Variants in NEGR1 observed in about 807,000 individuals in gnomAD.
NEGR1 encodes neuronal growth regulator 1.
Under a neutral mutation model 40.9 loss-of-function variants are expected in NEGR1, and 10 were observed. The ratio of observed to expected loss-of-function variants is 0.24; its 90% CI spans 0.15 to 0.42. The LOEUF (loss-of-function observed/expected upper bound fraction) is 0.42. Among genes scored for constraint, NEGR1 ranks in the 10% least tolerant of loss-of-function variants. The pLI is 1.00. For synonymous variants in NEGR1, 185 were observed against 166.8 expected, an observed-to-expected ratio of 1.11 and a Z score of -0.84; for missense variants, 352 against 438.9, an observed-to-expected ratio of 0.80 and a Z score of 1.77.
chr1:71,421,092 TC>T (rs1646390788), intron 6 of NEGR1, among the ~76,000 whole-genome samples: 1 of 152,048 alleles, frequency 6.6e-6, no homozygotes, highest in Non-Finnish European at 1.5e-5. Context: ...TTTTAGTACC[TC>T]AAGCATATGG....
rs117331475 is a variant in NEGR1 at position 72,223,323 on chromosome 1, T to A, written c.176+58996A>T. Among the ~76,000 whole-genome samples the A allele has an allele frequency of 1.5e-3, 235 of 152,304 alleles. 2 individuals are homozygous for A. The East Asian group carries it at 0.041, about 27-fold the overall frequency. Reference sequence around the variant, plus strand: ...GGAACCAAATTCCAATCGCTTAATATAAGCAAACTGAGCCCCCAAAATTGT... The same window carrying A: ...GGAACCAAATTCCAATCGCTTAATAAAAGCAAACTGAGCCCCCAAAATTGT... On this transcript the variant is annotated intron_variant, in intron 1 of 6. Transcript: ENST00000357731.
chr1:71,478,835 T>C (rs1646837438), intron 6 of NEGR1, among the ~76,000 whole-genome samples: 1 of 151,788 alleles, frequency 6.6e-6, no homozygotes, highest in Non-Finnish European at 1.5e-5. Context: ...GTGCCTGAGA[T>C]GAAGCTGATA....
At chr1:71,709,264 T>C (rs1439494781) in intron 3 of NEGR1, among the ~76,000 whole-genome samples, 1 of 152,208 alleles carries the variant, frequency 6.6e-6, no homozygotes, top group South Asian at 2.1e-4. Context: ...CGGAGAATTT[T>C]GTGGAGAAAA....
intron 2 of NEGR1, among the ~76,000 whole-genome samples, chr1:71,805,006 T>C (rs1657702112): frequency 6.6e-6 from 1 of 152,160 alleles, no homozygotes; most frequent in South Asian, 2.1e-4. Flanking sequence ...GGTAGGCCTC[T>C]AAAATGGCTG....
At chr1:71,421,017 T>C (rs1355051665) in intron 6 of NEGR1, among the ~76,000 whole-genome samples, 4 of 152,078 alleles carry the variant, frequency 2.6e-5, no homozygotes, top group African/African-American at 9.7e-5. Context: ...TTGGAAATAA[T>C]TTCCAAGATC....
intron 6 of NEGR1, among the ~76,000 whole-genome samples, chr1:71,443,842 C>T (rs1402733129): frequency 2.6e-5 from 4 of 152,112 alleles, no homozygotes; most frequent in East Asian, 3.9e-4. Flanking sequence ...ACAGCCAAGT[C>T]GTGATTAACT....
At chr1:71,486,773 G>A (rs918909604) in intron 6 of NEGR1, 2 of 151,484 alleles carry the variant, frequency 1.3e-5, no homozygotes, top group African/African-American at 4.8e-5. Flanking sequence ...ACTTAGCATG[G>A]TTCCTGGCAA....
At position 71,820,527 on chromosome 1, in the gene NEGR1, C is replaced by T. The variant is rs1658389564; in HGVS notation, c.410-44230G>A. On this transcript the variant is annotated intron_variant, in intron 2 of 6. Transcript: ENST00000357731. ...TTAAGTTGAAGTTGATATCCAGAGCCCATCATCATGGTCTCCTTGTTAGAG... is the reference window on the plus strand; with the variant it reads ...TTAAGTTGAAGTTGATATCCAGAGCTCATCATCATGGTCTCCTTGTTAGAG... Among the ~76,000 whole-genome samples, 3 of 152,076 alleles carry T rather than the reference C, an allele frequency of 2.0e-5. No individual in the cohort carries two copies. In the South Asian group the frequency reaches 6.2e-4, roughly 32 times the overall value.
chr1:72,196,529 G>T (rs1026227267), intron 1 of NEGR1, among the ~76,000 whole-genome samples: 1 of 152,012 alleles, frequency 6.6e-6, no homozygotes, highest in African/African-American at 2.4e-5. Context: ...CAGCACTTTG[G>T]GAGTCCGAGG....
At chr1:71,880,067 G>A (rs150887299) in intron 2 of NEGR1, among the ~76,000 whole-genome samples, 178 of 152,012 alleles carry the variant, frequency 1.2e-3, no homozygotes, top group African/African-American at 4.1e-3. Context: ...ATCTAAAATC[G>A]ATTTCCTTTC....
intron 1 of NEGR1, among the ~76,000 whole-genome samples, chr1:72,124,990 A>G (rs1406204315): frequency 1.3e-5 from 2 of 152,146 alleles, no homozygotes; most frequent in East Asian, 3.8e-4. Context: ...TATGGCGTAT[A>G]TAAAAGTCAA....
At chr1:72,270,339 A>G (rs1033340603) in intron 1 of NEGR1, among the ~76,000 whole-genome samples, 2 of 151,868 alleles carry the variant, frequency 1.3e-5, no homozygotes, top group African/African-American at 4.8e-5. Context: ...TAGGACAAGC[A>G]TTCATACATA....
At chr1:72,173,786 A>G (rs1005785807) in intron 1 of NEGR1, among the ~76,000 whole-genome samples, 25 of 152,132 alleles carry the variant, frequency 1.6e-4, no homozygotes, top group African/African-American at 5.6e-4. Context: ...ACTAAAAAAT[A>G]CAAAAAATTA....
At chr1:72,158,069 C>A (rs1383593739) in intron 1 of NEGR1, among the ~76,000 whole-genome samples, 1 of 152,060 alleles carries the variant, frequency 6.6e-6, no homozygotes, top group Non-Finnish European at 1.5e-5. Flanking sequence ...AAAAAGCATG[C>A]TGAGATTAGC....
chr1:72,126,313 T>A (rs994253532), intron 1 of NEGR1, among the ~76,000 whole-genome samples: 1 of 152,152 alleles, frequency 6.6e-6, no homozygotes, highest in East Asian at 1.9e-4. Flanking sequence ...TACAAAAATA[T>A]GAACAATTGT....
intron 1 of NEGR1, among the ~76,000 whole-genome samples, chr1:72,006,025 T>C (rs1450472607): frequency 1.3e-5 from 2 of 152,198 alleles, no homozygotes; most frequent in African/African-American, 2.4e-5. Flanking sequence ...GGAGAATTCA[T>C]GATGGGCTAC....
At chr1:71,759,053 T>C (rs1219987137) in intron 3 of NEGR1, among the ~76,000 whole-genome samples, 1 of 152,146 alleles carries the variant, frequency 6.6e-6, no homozygotes, top group Non-Finnish European at 1.5e-5. Flanking sequence ...AGTTACTATG[T>C]GCTAACCTAT....
intron 1 of NEGR1, among the ~76,000 whole-genome samples, chr1:72,124,389 A>C (rs1196216791): frequency 6.6e-6 from 1 of 152,028 alleles, no homozygotes; most frequent in East Asian, 1.9e-4. Context: ...GAACTGAAAA[A>C]AAGATCAGCC....
At chr1:71,863,818 T>G (rs1660024466) in intron 2 of NEGR1, among the ~76,000 whole-genome samples, 1 of 152,142 alleles carries the variant, frequency 6.6e-6, no homozygotes, top group African/African-American at 2.4e-5. Flanking sequence ...AACGTGTTGA[T>G]TATACATAAT....
Sources: allele counts gnomAD v4.1 joint callset (sites outside exome capture counted in the v4.1 genomes callset), GRCh38; gene constraint gnomAD v4.1.1; transcripts MANE v1.5; gene names NCBI Gene and HGNC (gene_info 2026-07-23, HGNC 2026-07-21).